Variants in CFAP47 observed in about 807,000 individuals in gnomAD.
CFAP47 encodes the protein cilia- and flagella-associated protein 47.
Under a neutral mutation model 148.1 loss-of-function variants are expected in CFAP47, and 29 were observed. The observed-to-expected ratio is 0.20, with a 90% confidence interval of 0.15 to 0.27. The LOEUF is 0.27. Ranked by LOEUF, CFAP47 falls within the 10% of genes least tolerant of loss-of-function variation. The pLI is 1.00. For missense variants in CFAP47, 1,872 were observed against 1,697.5 expected (o/e 1.10, Z -1.81); for synonymous variants, 664 against 577.3 (o/e 1.15, Z -2.15).
intron 1 of CFAP47, among the ~76,000 whole-genome samples, chrX:35,921,379 A>G (rs180790141): frequency 1.8e-4 from 20 of 112,373 alleles, no homozygotes; most frequent in Admixed American, 5.7e-4. Flanking sequence ...CTTACTCCAG[A>G]CACTGTAAAA....
intron 35 of CFAP47, among the ~76,000 whole-genome samples, chrX:36,141,050 T>A (rs762185056): frequency 1.6e-3 from 153 of 94,897 alleles, no homozygotes; most frequent in African/African-American, 6.5e-3. Flanking sequence ...ATTCTAATTT[T>A]GTCCTTAAAT....
intron 57 of CFAP47, among the ~76,000 whole-genome samples, chrX:36,335,712 G>C (rs1275479044): frequency 9.0e-6 from 1 of 111,636 alleles, no homozygotes; most frequent in Non-Finnish European, 1.9e-5. Context: ...GAATGTAATG[G>C]GGTAGGAGTT....
At chrX:36,305,387 G>C (rs782697933) in intron 54 of CFAP47, among the ~76,000 whole-genome samples, 91 of 111,412 alleles carry the variant, frequency 8.2e-4, no homozygotes, top group Non-Finnish European at 1.2e-3. Flanking sequence ...TTAGAGAACA[G>C]TCTAATCTGT....
intron 53 of CFAP47, among the ~76,000 whole-genome samples, chrX:36,303,616 C>G (rs190369029): frequency 9.0e-6 from 1 of 110,668 alleles, no homozygotes; most frequent in African/African-American, 3.3e-5. Flanking sequence ...ACAAAGACAC[C>G]AGTCATACTG....
intron 35 of CFAP47, among the ~76,000 whole-genome samples, chrX:36,139,442 G>A (rs747155215): frequency 1.8e-5 from 2 of 111,540 alleles, no homozygotes; most frequent in African/African-American, 6.5e-5. Flanking sequence ...AAAAAATCAG[G>A]AGTTTATCCT....
intron 54 of CFAP47, 72 bp downstream of exon 54, chrX:36,304,032 G>A: frequency 8.1e-6 from 4 of 492,916 alleles, no homozygotes; most frequent in Non-Finnish European, 1.4e-5. Flanking sequence ...TGGGACACTG[G>A]TGGAGTATTA....
intron 26 of CFAP47, among the ~76,000 whole-genome samples, chrX:36,060,930 A>G (rs773968647): frequency 9.0e-5 from 10 of 111,705 alleles, no homozygotes; most frequent in Admixed American, 1.9e-4. Flanking sequence ...AAGTATGTCC[A>G]GTCTGTTTTT....
chrX:36,237,862 TG>T (rs1940489819), intron 48 of CFAP47, among the ~76,000 whole-genome samples: 1 of 111,529 alleles, frequency 9.0e-6, no homozygotes, highest in Admixed American at 9.6e-5. Flanking sequence ...TTGCTTTTTT[TG>T]TAACCCTGAT....
chrX:36,239,853 T>C (rs782210957), intron 48 of CFAP47, among the ~76,000 whole-genome samples: 1 of 111,864 alleles, frequency 8.9e-6, no homozygotes, highest in East Asian at 2.8e-4. Context: ...CTGTGAGAGC[T>C]GAAAATTAAG....
intron 26 of CFAP47, among the ~76,000 whole-genome samples, chrX:36,049,711 G>A (rs769915692): frequency 9.8e-5 from 11 of 111,942 alleles, no homozygotes; most frequent in Non-Finnish European, 1.7e-4. Context: ...TTCAAAGAAC[G>A]TAGTTGTTGT....
intron 57 of CFAP47, among the ~76,000 whole-genome samples, chrX:36,328,703 G>T (rs782305277): frequency 5.9e-3 from 636 of 107,224 alleles, no homozygotes; most frequent in African/African-American, 0.021. Context: ...CCAGCTACTG[G>T]GGAGGCTGAG....
At chrX:36,161,195 T>C (rs1401943931) in intron 39 of CFAP47, among the ~76,000 whole-genome samples, 1 of 111,531 alleles carries the variant, frequency 9.0e-6, no homozygotes, top group Non-Finnish European at 1.9e-5. Context: ...AGAAATTATA[T>C]GTGTTCAAAT....
chrX:35,973,685 G>T (rs1936528085), intron 13 of CFAP47, among the ~76,000 whole-genome samples: 1 of 111,275 alleles, frequency 9.0e-6, no homozygotes, highest in Non-Finnish European at 1.9e-5. Context: ...GACCAAACTG[G>T]GTTTGGTTCT....
At chrX:36,000,137 G>A (rs745743317) in intron 19 of CFAP47, 146 bp from the exon 20 acceptor site, 1 of 239,458 alleles carries the variant, frequency 4.2e-6, no homozygotes, top group African/African-American at 2.9e-5. Flanking sequence ...AGAGGAGGTG[G>A]GGGAGAGGAA....
chrX:36,032,290 G>A (rs898608399), intron 23 of CFAP47, among the ~76,000 whole-genome samples: 36 of 109,603 alleles, frequency 3.3e-4, no homozygotes, highest in Non-Finnish European at 6.3e-4. Flanking sequence ...GAGAAAGAGG[G>A]ACATTGGCCC....
intron 15 of CFAP47, among the ~76,000 whole-genome samples, chrX:35,985,544 A>G (rs775649227): frequency 6.3e-5 from 7 of 110,912 alleles, no homozygotes; most frequent in Non-Finnish European, 1.3e-4. Flanking sequence ...CTGGTCTGCT[A>G]TAGTTCCTTG....
chrX:36,167,737 T>A (rs1939509993), intron 39 of CFAP47, among the ~76,000 whole-genome samples: 1 of 111,916 alleles, frequency 8.9e-6, no homozygotes, highest in African/African-American at 3.2e-5. Flanking sequence ...ACTAAGTTTC[T>A]TTTTTGTTGA....
intron 15 of CFAP47, among the ~76,000 whole-genome samples, chrX:35,983,117 A>G (rs1318098876): frequency 1.8e-5 from 2 of 111,788 alleles, no homozygotes; most frequent in Admixed American, 1.9e-4. Flanking sequence ...GTCATCATTG[A>G]TTTCCTTCAC....
intron 46 of CFAP47, among the ~76,000 whole-genome samples, chrX:36,231,023 A>G (rs1940347097): frequency 9.5e-6 from 1 of 105,255 alleles, no homozygotes; most frequent in South Asian, 4.3e-4. Flanking sequence ...GCCTTGTAAT[A>G]TAGTTTGAAG....
Sources: allele counts gnomAD v4.1 joint callset (sites outside exome capture counted in the v4.1 genomes callset), GRCh38; gene constraint gnomAD v4.1.1; transcripts MANE v1.5; gene names NCBI Gene and HGNC (gene_info 2026-07-23, HGNC 2026-07-21).